The following L3MBTL4 variants were observed in gnomAD, a reference collection of about 807,000 sequenced individuals.
The protein encoded by L3MBTL4 is L3MBTL histone methyl-lysine binding protein 4, also known as lethal(3)malignant brain tumor-like protein 4.
In L3MBTL4, 70 loss-of-function variants were observed where a neutral mutation model predicts 84.5. That is an observed-to-expected ratio of 0.83 (90% CI 0.68 to 1.01). The LOEUF is 1.01. Ranked by LOEUF, L3MBTL4 falls within the 50% of genes least tolerant of loss-of-function variation. The pLI is 0.00. For missense variants in L3MBTL4, 715 were observed against 754.8 expected (o/e 0.95, Z 0.62); for synonymous variants, 274 against 259.8 (o/e 1.05, Z -0.52).
chr18:6,364,281 TTAAG>T (rs2053838553), intron 1 of L3MBTL4, among the ~76,000 whole-genome samples: 1 of 152,108 alleles, frequency 6.6e-6, no homozygotes, highest in Non-Finnish European at 1.5e-5. Context: ...ATTATTTATG[TTAAG>T]TAATGATTAT....
chr18:6,393,559 T>A (rs769386607), intron 1 of L3MBTL4, among the ~76,000 whole-genome samples: 2 of 152,146 alleles, frequency 1.3e-5, no homozygotes, highest in African/African-American at 4.8e-5. Context: ...CCCAAGACTA[T>A]CTCCATCTCA....
At chr18:6,142,407 C>T (rs2081298738) in intron 13 of L3MBTL4, among the ~76,000 whole-genome samples, 1 of 152,132 alleles carries the variant, frequency 6.6e-6, no homozygotes, top group Non-Finnish European at 1.5e-5. Context: ...AGTTTAGGTC[C>T]CAATGTGTCA....
intron 16 of L3MBTL4, among the ~76,000 whole-genome samples, chr18:6,035,001 T>C (rs1327194500): frequency 1.6e-4 from 25 of 151,920 alleles, no homozygotes; most frequent in Non-Finnish European, 2.9e-4. Flanking sequence ...GGTTGTTTGT[T>C]TTTTTCTTGT....
intron 10 of L3MBTL4, among the ~76,000 whole-genome samples, chr18:6,219,377 T>C (rs1164807065): frequency 2.6e-5 from 4 of 151,452 alleles, no homozygotes; most frequent in East Asian, 4.0e-4. Flanking sequence ...GACTGGAGAC[T>C]GGGCTATATT....
chr18:6,072,691 CACACACA>C, intron 16 of L3MBTL4, among the ~76,000 whole-genome samples: 1 of 115,222 alleles, frequency 8.7e-6, no homozygotes, highest in East Asian at 4.1e-4. Context: ...AACACACACA[CACACACA>C]AAAAAAAATT....
intron 1 of L3MBTL4, among the ~76,000 whole-genome samples, chr18:6,407,869 T>C (rs1046505818): frequency 6.6e-6 from 1 of 152,164 alleles, no homozygotes; most frequent in African/African-American, 2.4e-5. Flanking sequence ...AGAGTGCAAT[T>C]GTGGACGACA....
intron 1 of L3MBTL4, among the ~76,000 whole-genome samples, chr18:6,384,480 A>C (rs1378508490): frequency 6.6e-6 from 1 of 152,190 alleles, no homozygotes; most frequent in Non-Finnish European, 1.5e-5. Flanking sequence ...TCTCTGTTGA[A>C]TTGTATACCC....
intron 1 of L3MBTL4, among the ~76,000 whole-genome samples, chr18:6,371,340 T>C (rs1052257330): frequency 6.6e-6 from 1 of 152,124 alleles, no homozygotes. Flanking sequence ...GTTCTGGAAA[T>C]GCCTGTGAAA....
chr18:6,125,935 C>T (rs548735616), intron 14 of L3MBTL4, among the ~76,000 whole-genome samples: 1 of 152,140 alleles, frequency 6.6e-6, no homozygotes, highest in East Asian at 1.9e-4. Context: ...AACATAGAAT[C>T]CAGACCAAAG....
chr18:6,039,085 T>C (rs2056286690), intron 16 of L3MBTL4, among the ~76,000 whole-genome samples: 1 of 149,716 alleles, frequency 6.7e-6, no homozygotes, highest in Admixed American at 6.7e-5. Context: ...AAAGAAGAGG[T>C]CACAGGAGCA....
intron 1 of L3MBTL4, among the ~76,000 whole-genome samples, chr18:6,374,812 C>A (rs2054300564): frequency 6.6e-6 from 1 of 152,130 alleles, no homozygotes; most frequent in South Asian, 2.1e-4. Context: ...ACTGCCACTT[C>A]TATTACTGGC....
chr18:6,008,541 G>T (rs977402391), intron 16 of L3MBTL4, among the ~76,000 whole-genome samples: 2 of 152,178 alleles, frequency 1.3e-5, no homozygotes, highest in Admixed American at 1.3e-4. Context: ...CTAGGTGTGT[G>T]TGTGGAAGGA....
chr18:6,030,029 A>C (rs1035847309), intron 16 of L3MBTL4: 29 of 985,376 alleles, frequency 2.9e-5, no homozygotes, highest in South Asian at 9.4e-5. Flanking sequence ...CTGGTCACTT[A>C]TAGTGTGCCG....
At chr18:6,087,992 C>T (rs1308791119) in intron 15 of L3MBTL4, among the ~76,000 whole-genome samples, 1 of 152,142 alleles carries the variant, frequency 6.6e-6, no homozygotes, top group Non-Finnish European at 1.5e-5. Flanking sequence ...AACTTAGGTA[C>T]ACTAAAGATC....
At chr18:6,252,827 G>A (rs1047118742) in intron 5 of L3MBTL4, among the ~76,000 whole-genome samples, 4 of 152,234 alleles carry the variant, frequency 2.6e-5, no homozygotes, top group Non-Finnish European at 5.9e-5. Context: ...AGTAGAAGAC[G>A]TTAAAAAGGC....
chr18:6,185,960 C>CT (rs1555682201), intron 12 of L3MBTL4, among the ~76,000 whole-genome samples: 2 of 145,786 alleles, frequency 1.4e-5, no homozygotes, highest in African/African-American at 5.4e-5. Flanking sequence ...AGGGCACTTT[C>CT]TTTATTTTAT....
At chr18:6,132,987 G>A (rs950301668) in intron 14 of L3MBTL4, among the ~76,000 whole-genome samples, 4 of 152,176 alleles carry the variant, frequency 2.6e-5, no homozygotes, top group African/African-American at 9.7e-5. Flanking sequence ...TTCCACGGGA[G>A]GGGTATCAGC....
intron 14 of L3MBTL4, among the ~76,000 whole-genome samples, chr18:6,115,278 G>A (rs914961762): frequency 1.3e-5 from 2 of 152,196 alleles, no homozygotes; most frequent in African/African-American, 4.8e-5. Context: ...AAAACAACCT[G>A]GTGGCCCAGT....
chr18:6,370,170 G>T (rs1568565749), intron 1 of L3MBTL4, among the ~76,000 whole-genome samples: 1 of 151,344 alleles, frequency 6.6e-6, no homozygotes, highest in Admixed American at 6.6e-5. Context: ...CACTGACCTG[G>T]CTTACTATTG....
Sources: gnomAD v4.1 joint callset for allele counts (sites outside exome capture counted in the v4.1 genomes callset) on GRCh38, gnomAD v4.1.1 for gene constraint, MANE v1.5 for transcripts, NCBI Gene and HGNC (gene_info 2026-07-23, HGNC 2026-07-21) for gene names.